NOX4: variants seen among roughly 807,000 people sequenced by gnomAD.
The protein encoded by NOX4 is NADPH oxidase 4, also known as kidney oxidase-1.
NOX4 carries 69 observed loss-of-function variants against 87.6 expected under a neutral mutation model. The ratio of observed to expected loss-of-function variants is 0.79; its 90% CI spans 0.65 to 0.96. The LOEUF (loss-of-function observed/expected upper bound fraction) is 0.96. Ranked by LOEUF, NOX4 falls within the 40% of genes least tolerant of loss-of-function variation. The probability of loss-of-function intolerance (pLI) is 0.00; values close to 1 mark genes in which losing one functional copy is unlikely to be tolerated. For synonymous variants in NOX4, 275 were observed against 238.2 expected, an observed-to-expected ratio of 1.15 and a Z score of -1.42; for missense variants, 680 against 681.5, an observed-to-expected ratio of 1.00 and a Z score of 0.02.
intron 7 of NOX4, among the ~76,000 whole-genome samples, chr11:89,424,258 A>C (rs1278108799): frequency 2.0e-5 from 3 of 151,746 alleles, no homozygotes; most frequent in Non-Finnish European, 2.9e-5. Context: ...ATAGTTAATA[A>C]AAGGATTATT....
the NOX4 span, among the ~76,000 whole-genome samples, chr11:89,528,404 T>C: frequency 5.1e-4 from 77 of 151,976 alleles, no homozygotes; most frequent in Non-Finnish European, 9.6e-4. Context: ...GAACATGAGA[T>C]TTAGGAGGGG....
chr11:89,336,974 T>C (rs1211658764), intron 16 of NOX4, among the ~76,000 whole-genome samples: 1 of 152,062 alleles, frequency 6.6e-6, no homozygotes, highest in Non-Finnish European at 1.5e-5. Context: ...GGGAATAACA[T>C]TTACTGCTTG....
chr11:89,342,087 G>A lies in NOX4; in HGVS notation c.1324C>T (p.Leu442Phe), dbSNP rs1946030086. ...GIGVTPFASI[L>F]NTLLDDWKPY... ...AAAATGACATACAACAGGGTGTTGA[G>A]TATTGATGCAAATGGAGTTACTCCA... Residue 442 changes from leucine (L) to phenylalanine (F), a missense_variant, in exon 14 of 18, where the codon CTC (leucine) becomes TTC (phenylalanine). Physicochemically the swap from Leu to Phe is conservative, Grantham distance 22. Transcript: ENST00000263317. The A allele has an allele frequency of 6.2e-7, 1 of 1,612,816 alleles. No individual in the cohort carries two copies. The highest frequency in any genetic ancestry group is 1.3e-5 in the African/African-American group (1 of 74,884).
chr11:89,558,321 A>C, the NOX4 span, among the ~76,000 whole-genome samples: 2 of 152,126 alleles, frequency 1.3e-5, no homozygotes, highest in Admixed American at 1.3e-4. Flanking sequence ...CAACTGCAGA[A>C]AGATTAATTA....
Position 89,444,238 on chromosome 11 carries a change from G to C in NOX4, c.350-6C>G. On this transcript the variant is annotated splice_polypyrimidine_tract_variant and splice_region_variant and intron_variant, in intron 4 of 17. Coordinates refer to ENST00000263317, the MANE Select transcript of NOX4 (RefSeq NM_016931.5). Reference sequence around the variant, plus strand: ...ATGGGCAGCCACATGCACGCCTACAGAATTACACCAGGGGTAAGTTAGTGG... The same window carrying C: ...ATGGGCAGCCACATGCACGCCTACACAATTACACCAGGGGTAAGTTAGTGG... 7.4e-6 allele frequency: 12 copies of C among 1,611,500 alleles called. No individual in the cohort carries two copies. Among genetic ancestry groups the C allele is most frequent in the African/African-American group, 1.3e-5 (1 of 74,936 alleles).
intron 17 of NOX4, among the ~76,000 whole-genome samples, chr11:89,327,995 G>A (rs117048606): frequency 0.01 from 1,569 of 152,252 alleles, 6 homozygotes; most frequent in Non-Finnish European, 0.017. Flanking sequence ...GCTAAGCACC[G>A]TCACTCTCTT....
intron 16 of NOX4, 42 bp downstream of exon 16, chr11:89,337,405 A>G: frequency 1.2e-6 from 2 of 1,610,324 alleles, no homozygotes; most frequent in Non-Finnish European, 1.7e-6. Flanking sequence ...TAAATCTATT[A>G]TCAAGAGGCT....
chr11:89,412,573 T>A (rs1188577972), intron 8 of NOX4, among the ~76,000 whole-genome samples: 1 of 152,128 alleles, frequency 6.6e-6, no homozygotes, highest in African/African-American at 2.4e-5. Context: ...GAGTCAATGA[T>A]GAAATTATTG....
At chr11:89,576,552 A>T in the NOX4 span, among the ~76,000 whole-genome samples, 1 of 152,188 alleles carries the variant, frequency 6.6e-6, no homozygotes, top group Non-Finnish European at 1.5e-5. Flanking sequence ...TATATCCCTT[A>T]TGATAACTGT....
At chr11:89,417,167 T>C (rs1016015494) in intron 8 of NOX4, among the ~76,000 whole-genome samples, 2 of 152,160 alleles carry the variant, frequency 1.3e-5, no homozygotes, top group African/African-American at 4.8e-5. Flanking sequence ...TCATTTACAA[T>C]GCATTCCCTC....
intron 2 of NOX4, among the ~76,000 whole-genome samples, chr11:89,477,752 T>C (rs1220771819): frequency 6.9e-6 from 1 of 144,810 alleles, no homozygotes; most frequent in East Asian, 2.0e-4. Context: ...TTCATGTGTA[T>C]ATCAATTTAT....
chr11:89,492,929 G>T (rs888923324), upstream of NOX4, among the ~76,000 whole-genome samples: 2 of 152,164 alleles, frequency 1.3e-5, no homozygotes, highest in Non-Finnish European at 2.9e-5. Context: ...GAGACTTTCA[G>T]AACAGCAAAA....
At chr11:89,505,484 G>A in the NOX4 span, among the ~76,000 whole-genome samples, 649 of 151,948 alleles carry the variant, frequency 4.3e-3, 6 homozygotes, top group African/African-American at 0.015. Flanking sequence ...CCTTTCTAAG[G>A]ACCTGATATG....
intron 12 of NOX4, among the ~76,000 whole-genome samples, chr11:89,360,270 C>T (rs955803750): frequency 1.3e-5 from 2 of 152,044 alleles, no homozygotes; most frequent in Non-Finnish European, 2.9e-5. Context: ...TTTCTTCACT[C>T]ATACAGTCTG....
intron 12 of NOX4, among the ~76,000 whole-genome samples, chr11:89,365,590 T>A (rs1938901046): frequency 6.7e-6 from 1 of 150,342 alleles, no homozygotes; most frequent in African/African-American, 2.4e-5. Context: ...ATCAAATGCA[T>A]TTTTTTTTAA....
chr11:89,373,292 A>C (rs543976992), intron 12 of NOX4, 140 bp downstream of exon 12: 40 of 490,186 alleles, frequency 8.2e-5, no homozygotes, highest in East Asian at 6.2e-4. Flanking sequence ...AAAAAAAAAA[A>C]AAAAAACAAA....
intron 11 of NOX4, among the ~76,000 whole-genome samples, chr11:89,375,712 A>T (rs977985167): frequency 6.6e-6 from 1 of 152,198 alleles, no homozygotes; most frequent in African/African-American, 2.4e-5. Context: ...ACTATATACT[A>T]CTGAAGGCTG....
the NOX4 span, among the ~76,000 whole-genome samples, chr11:89,519,608 G>T: frequency 6.6e-6 from 1 of 151,944 alleles, no homozygotes; most frequent in African/African-American, 2.4e-5. Flanking sequence ...GGTATTCATC[G>T]GGTAAGAAGA....
chr11:89,512,949 C>T, the NOX4 span, among the ~76,000 whole-genome samples: 1 of 152,062 alleles, frequency 6.6e-6, no homozygotes, highest in Non-Finnish European at 1.5e-5. Context: ...ATACTCAGTT[C>T]TGAAAATATG....
Sources: gnomAD v4.1 joint callset for allele counts (sites outside exome capture counted in the v4.1 genomes callset) on GRCh38, gnomAD v4.1.1 for gene constraint, MANE v1.5 for transcripts, NCBI Gene and HGNC (gene_info 2026-07-23, HGNC 2026-07-21) for gene names.